Variants in MTCL2 observed in about 807,000 individuals in gnomAD.
MTCL2 encodes the protein microtubule cross-linking factor 2.
the MTCL2 span, among the ~76,000 whole-genome samples, chr20:36,788,811 T>TTTTC: frequency 7.3e-6 from 1 of 136,450 alleles, no homozygotes; most frequent in African/African-American, 2.7e-5. Context: ...CTTTTCTTTT[T>TTTTC]TTTTTTTTTT....
the MTCL2 span, among the ~76,000 whole-genome samples, chr20:36,846,777 C>A: frequency 1.9e-4 from 29 of 152,266 alleles, no homozygotes; most frequent in Admixed American, 1.3e-4. Context: ...GAGGCCGAGG[C>A]GGATGGATTA....
At chr20:36,839,396 C>T in the MTCL2 span, 10 of 1,613,390 alleles carry the variant, frequency 6.2e-6, no homozygotes, top group African/African-American at 1.3e-5. This position sits in a 1 kb window ranked among gnomAD's most constrained non-coding sequence, Gnocchi z 5.1. Context: ...TCCATATAGA[C>T]GTCCCGCATC....
At chr20:36,808,932 C>G in the MTCL2 span, among the ~76,000 whole-genome samples, 1 of 152,232 alleles carries the variant, frequency 6.6e-6, no homozygotes, top group African/African-American at 2.4e-5. Flanking sequence ...AAAACAGTGA[C>G]ACATCATTGA....
the MTCL2 span, chr20:36,786,155 G>A: frequency 2.0e-6 from 2 of 1,014,082 alleles, no homozygotes; most frequent in Non-Finnish European, 2.4e-6. Flanking sequence ...CAAGAGGGTG[G>A]CATGGGCAGA....
the MTCL2 span, chr20:36,808,692 T>G: frequency 6.2e-7 from 1 of 1,608,850 alleles, no homozygotes; most frequent in Non-Finnish European, 8.5e-7. Context: ...AGGCTCAGAC[T>G]CTGCAGCTCA....
the MTCL2 span, among the ~76,000 whole-genome samples, chr20:36,861,861 C>T: frequency 6.0e-3 from 913 of 152,274 alleles, 8 homozygotes; most frequent in Middle Eastern, 0.01. Flanking sequence ...GCCTGCTGTC[C>T]GGGGGAAGCC....
At chr20:36,809,945 A>T in the MTCL2 span, 4 of 1,578,536 alleles carry the variant, frequency 2.5e-6, no homozygotes, top group African/African-American at 2.7e-5. Flanking sequence ...GAGAGGCTGT[A>T]GGAATAGCTG....
chr20:36,834,779 A>G, the MTCL2 span, among the ~76,000 whole-genome samples: 12 of 152,136 alleles, frequency 7.9e-5, no homozygotes, highest in Non-Finnish European at 1.8e-4. Flanking sequence ...ACGTGGGTAG[A>G]TCACCTGAGG....
At chr20:36,795,238 C>T in the MTCL2 span, among the ~76,000 whole-genome samples, 1 of 152,078 alleles carries the variant, frequency 6.6e-6, no homozygotes, top group African/African-American at 2.4e-5. Context: ...TGTGCCCAGC[C>T]TAACACCTGG....
chr20:36,781,531 G>A, the MTCL2 span: 1 of 150,426 alleles, frequency 6.6e-6, no homozygotes, highest in Non-Finnish European at 1.5e-5. Context: ...GCAAGACTCT[G>A]TCTCCAAAAA....
At chr20:36,862,946 C>T in the MTCL2 span, 1 of 1,391,056 alleles carries the variant, frequency 7.2e-7, no homozygotes, top group Non-Finnish European at 9.4e-7. Flanking sequence ...CCAGGCCCAG[C>T]AGGCGCGCCT....
the MTCL2 span, among the ~76,000 whole-genome samples, chr20:36,835,671 T>C: frequency 6.6e-6 from 1 of 151,660 alleles, no homozygotes; most frequent in African/African-American, 2.4e-5. Context: ...TGGCCAGAGG[T>C]GTCCATCCAG....
At chr20:36,847,591 G>A in the MTCL2 span, among the ~76,000 whole-genome samples, 2 of 152,262 alleles carry the variant, frequency 1.3e-5, no homozygotes, top group African/African-American at 2.4e-5. Flanking sequence ...GGTGGCTCAC[G>A]CCTGTAATCG....
chr20:36,797,453 A>G, the MTCL2 span: 13 of 1,541,714 alleles, frequency 8.4e-6, no homozygotes, highest in Non-Finnish European at 1.1e-5. Flanking sequence ...AGGGACCTTT[A>G]TGGTGCAGCC....
At chr20:36,828,991 TG>T in the MTCL2 span, 3 of 1,459,242 alleles carry the variant, frequency 2.1e-6, no homozygotes, top group Non-Finnish European at 1.8e-6. Flanking sequence ...GACACTGGCT[TG>T]GGGGGGCTTG....
chr20:36,815,102 G>A, the MTCL2 span: 1 of 1,529,968 alleles, frequency 6.5e-7, no homozygotes, highest in African/African-American at 1.4e-5. This position sits in a 1 kb window ranked among gnomAD's most constrained non-coding sequence, Gnocchi z 5.3. Flanking sequence ...ATAAATAATA[G>A]GATCTGTGCA....
the MTCL2 span, among the ~76,000 whole-genome samples, chr20:36,862,240 A>G: frequency 6.6e-6 from 1 of 152,214 alleles, no homozygotes; most frequent in African/African-American, 2.4e-5. Flanking sequence ...TTTCCTGGGC[A>G]GGGGATGGCC....
the MTCL2 span, chr20:36,863,433 G>T: frequency 1.0e-6 from 1 of 981,832 alleles, no homozygotes. This position sits in a 1 kb window ranked among gnomAD's most constrained non-coding sequence, Gnocchi z 6.2. Context: ...GCGCGGCTCC[G>T]GCCGCTGGGG....
the MTCL2 span, chr20:36,797,395 T>G: frequency 1.8e-6 from 2 of 1,135,046 alleles, no homozygotes; most frequent in Non-Finnish European, 2.6e-6. Flanking sequence ...TGCAAGGGTG[T>G]GACCTATGAG....
Sources: gnomAD v4.1 joint callset for allele counts (sites outside exome capture counted in the v4.1 genomes callset) on GRCh38, gnomAD v4.1.1 for gene constraint, Gnocchi (gnomAD v3.1) non-coding constraint, MANE v1.5 for transcripts, NCBI Gene and HGNC (gene_info 2026-07-23, HGNC 2026-07-21) for gene names.